Variants in NRF1 observed in about 807,000 individuals in gnomAD.
NRF1 encodes nuclear respiratory factor 1, also known as alpha palindromic-binding protein.
Under a neutral mutation model 58.5 loss-of-function variants are expected in NRF1, and 5 were observed. The ratio of observed to expected loss-of-function variants is 0.09; its 90% CI spans 0.04 to 0.18. NRF1 has a LOEUF of 0.18. NRF1 is among the 10% of genes least tolerant of loss of function. The pLI is 1.00. For missense variants in NRF1, 288 were observed against 657.7 expected (o/e 0.44, Z 6.15); for synonymous variants, 224 against 246.7 (o/e 0.91, Z 0.86).
chr7:129,682,836 C>T (rs1802350995), intron 4 of NRF1, among the ~76,000 whole-genome samples: 1 of 129,660 alleles, frequency 7.7e-6, no homozygotes, highest in Non-Finnish European at 1.6e-5. Context: ...ACAATAGATA[C>T]AGGAGCATTG....
intron 10 of NRF1, among the ~76,000 whole-genome samples, chr7:129,736,987 T>C (rs1803730420): frequency 6.6e-6 from 1 of 152,212 alleles, no homozygotes; most frequent in South Asian, 2.1e-4. Flanking sequence ...CAGAAGGAAG[T>C]TGTGAGCATT....
intron 2 of NRF1, among the ~76,000 whole-genome samples, chr7:129,661,095 A>C (rs1240708508): frequency 1.3e-5 from 2 of 151,328 alleles, no homozygotes; most frequent in Non-Finnish European, 2.9e-5. Context: ...CCCTGAAGCC[A>C]TGGCCCGAGC....
intron 9 of NRF1, among the ~76,000 whole-genome samples, chr7:129,723,604 T>C (rs966507244): frequency 6.6e-6 from 1 of 152,098 alleles, no homozygotes; most frequent in Non-Finnish European, 1.5e-5. Context: ...AATTCTGTCA[T>C]GAAAAATGTA....
In NRF1 at chr7:129,741,250, C is replaced by T. The variant is rs1407035013; in HGVS notation, c.1349-13768C>T. Among the ~76,000 whole-genome samples, 1 of 152,176 alleles carries T rather than the reference C, an allele frequency of 6.6e-6. No homozygotes were observed. The stretch of plus-strand genomic sequence containing the variant: ...AGGTCAGGGCTTCCGGACAGATTCC[C>T]AAGGTCCCTGCCATCTGGCAGATGG... On this transcript the variant is annotated intron_variant, in intron 10 of 10. Coordinates refer to ENST00000393232, the MANE Select transcript of NRF1 (RefSeq NM_005011.5). The surrounding 1 kb of genome is among the most constrained non-coding windows in gnomAD (Gnocchi z 4.0).
chr7:129,667,160 T>C (rs1584623380), intron 2 of NRF1, among the ~76,000 whole-genome samples: 1 of 152,222 alleles, frequency 6.6e-6, no homozygotes. Flanking sequence ...TTACTAGATA[T>C]TGCTAAATGT....
chr7:129,748,839 A>AT (rs1491512112), intron 10 of NRF1, among the ~76,000 whole-genome samples: 1 of 152,230 alleles, frequency 6.6e-6, no homozygotes, highest in African/African-American at 2.4e-5. Context: ...ATACATGCAC[A>AT]TATGTTTATG....
At chr7:129,678,594 C>T (rs2151086888) in intron 4 of NRF1, among the ~76,000 whole-genome samples, 1 of 152,114 alleles carries the variant, frequency 6.6e-6, no homozygotes, top group Non-Finnish European at 1.5e-5. Context: ...CCAAAAATTC[C>T]TGAAGCCCTA....
intron 5 of NRF1, among the ~76,000 whole-genome samples, chr7:129,704,923 A>G (rs182349280): frequency 1.2e-3 from 187 of 152,320 alleles, no homozygotes; most frequent in African/African-American, 4.4e-3. Context: ...TTTTACATTT[A>G]GAGTAGTTTT....
chr7:129,653,766 A>G (rs1437465896), intron 1 of NRF1, among the ~76,000 whole-genome samples: 1 of 152,198 alleles, frequency 6.6e-6, no homozygotes, highest in Non-Finnish European at 1.5e-5. Flanking sequence ...TTCACTTAGC[A>G]ATATGCATTT....
intron 8 of NRF1, among the ~76,000 whole-genome samples, chr7:129,712,463 C>G (rs1803095001): frequency 6.6e-6 from 1 of 152,204 alleles, no homozygotes; most frequent in Non-Finnish European, 1.5e-5. Flanking sequence ...ACCACAAAGT[C>G]ACTTTCATTT....
intron 1 of NRF1, among the ~76,000 whole-genome samples, chr7:129,618,761 T>A (rs1800706867): frequency 6.6e-6 from 1 of 152,094 alleles, no homozygotes; most frequent in Non-Finnish European, 1.5e-5. Flanking sequence ...ACCAGAAATG[T>A]TTTGGAGTTT....
chr7:129,698,617 C>A (rs1802751657), intron 5 of NRF1, among the ~76,000 whole-genome samples: 1 of 152,172 alleles, frequency 6.6e-6, no homozygotes, highest in Admixed American at 6.6e-5. Flanking sequence ...TAGGATACTA[C>A]AGACCAGGGC....
intron 1 of NRF1, among the ~76,000 whole-genome samples, chr7:129,637,574 A>G (rs1032373538): frequency 6.6e-6 from 1 of 152,244 alleles, no homozygotes; most frequent in Admixed American, 6.5e-5. Context: ...AGTATTCTTA[A>G]TAGTTTTAGT....
chr7:129,627,457 G>A (rs1800944926), intron 1 of NRF1, among the ~76,000 whole-genome samples: 2 of 151,962 alleles, frequency 1.3e-5, no homozygotes, highest in South Asian at 4.2e-4. Context: ...CTGGGCTCAA[G>A]CAATCCTCCA....
At chr7:129,615,336 C>T (rs892152232) in intron 1 of NRF1, among the ~76,000 whole-genome samples, 1 of 152,224 alleles carries the variant, frequency 6.6e-6, no homozygotes, top group African/African-American at 2.4e-5. Flanking sequence ...CAAATGTCTA[C>T]TTTAACCTCA....
chr7:129,734,408 A>G (rs1803657104), intron 10 of NRF1, among the ~76,000 whole-genome samples: 1 of 152,146 alleles, frequency 6.6e-6, no homozygotes, highest in South Asian at 2.1e-4. Context: ...TCCTGCCTAG[A>G]CTCCACAAAT....
chr7:129,738,172 C>T (rs1287163293), intron 10 of NRF1, among the ~76,000 whole-genome samples: 2 of 152,384 alleles, frequency 1.3e-5, no homozygotes, highest in African/African-American at 4.8e-5. Flanking sequence ...ATGTGTATTA[C>T]AACTGTTTCT....
At chr7:129,736,676 G>A (rs1803722556) in intron 10 of NRF1, among the ~76,000 whole-genome samples, 1 of 150,740 alleles carries the variant, frequency 6.6e-6, no homozygotes, top group Non-Finnish European at 1.5e-5. Context: ...GAGGGTATTA[G>A]CTTTGATTGA....
chr7:129,755,617 C>G lies in NRF1; in HGVS notation c.*436C>G, dbSNP rs1284294008. ...ATGAAATCAAGGTGCGCTGTGGAAA[C>G]AATAATTCACCCAGTTTAGTGGGTG... is the stretch of plus-strand genomic sequence containing the variant. On this transcript the variant is annotated 3_prime_UTR_variant, in exon 11 of 11. Coordinates refer to ENST00000393232, the MANE Select transcript of NRF1 (RefSeq NM_005011.5). The surrounding 1 kb of genome is among the most constrained non-coding windows in gnomAD (Gnocchi z 5.8). The G allele has an allele frequency of 6.6e-6, 1 of 152,052 alleles. No homozygotes were observed. Among genetic ancestry groups the G allele is most frequent in the African/African-American group, 2.4e-5 (1 of 41,300 alleles). 9.4% of individuals were successfully genotyped at this position (152,052 alleles called of 1,614,324 possible). A position where few individuals can be genotyped will look rare whatever the true frequency, so the allele number is the denominator to read the frequency against.
Sources: allele counts gnomAD v4.1 joint callset (sites outside exome capture counted in the v4.1 genomes callset), GRCh38; gene constraint gnomAD v4.1.1; non-coding constraint Gnocchi (gnomAD v3.1); transcripts MANE v1.5; gene names NCBI Gene and HGNC (gene_info 2026-07-23, HGNC 2026-07-21).